SNTG2: variants seen among roughly 807,000 people sequenced by gnomAD.
SNTG2 encodes the protein gamma-2-syntrophin.
SNTG2 carries 74 observed loss-of-function variants against 70.9 expected under a neutral mutation model. The observed-to-expected ratio is 1.04, with a 90% CI of 0.86 to 1.27. The LOEUF is 1.27. Ranked by LOEUF, SNTG2 falls within the 50% of genes most tolerant of loss-of-function variation. SNTG2 has a pLI of 0.00. For missense variants in SNTG2, 717 were observed against 690.7 expected (o/e 1.04, Z -0.43); for synonymous variants, 278 against 273.8 (o/e 1.02, Z -0.15).
At chr2:960,584 C>T (rs187801435) in intron 1 of SNTG2, among the ~76,000 whole-genome samples, 232 of 151,134 alleles carry the variant, frequency 1.5e-3, no homozygotes, top group South Asian at 3.7e-3. Context: ...GAAGGGGGTG[C>T]TCCTACTGCC....
At chr2:1,036,026 A>G (rs1209526690) in intron 1 of SNTG2, among the ~76,000 whole-genome samples, 2 of 152,212 alleles carry the variant, frequency 1.3e-5, no homozygotes, top group Non-Finnish European at 2.9e-5. Context: ...AATGGTAGTG[A>G]TGATAGTGGA....
intron 4 of SNTG2, among the ~76,000 whole-genome samples, chr2:1,100,924 A>C (rs116511117): frequency 7.9e-5 from 12 of 151,658 alleles, no homozygotes; most frequent in Non-Finnish European, 1.5e-4. Flanking sequence ...CACTCCCTGG[A>C]GTGTGAACGT....
chr2:979,316 C>T (rs186399897), intron 1 of SNTG2, among the ~76,000 whole-genome samples: 1 of 152,250 alleles, frequency 6.6e-6, no homozygotes, highest in African/African-American at 2.4e-5. Context: ...CAGTGCTCTG[C>T]CGTGCTGGTG....
chr2:1,244,255 G>A (rs72768891), intron 11 of SNTG2, among the ~76,000 whole-genome samples: 5 of 152,062 alleles, frequency 3.3e-5, no homozygotes, highest in South Asian at 2.1e-4. Context: ...TTCGCCATTC[G>A]CTCGTTTTTT....
chr2:1,081,734 G>C (rs1029179253), intron 1 of SNTG2, among the ~76,000 whole-genome samples: 2 of 152,216 alleles, frequency 1.3e-5, no homozygotes, highest in African/African-American at 4.8e-5. Context: ...GCACCCACCC[G>C]GTCTGGCAAT....
chr2:1,365,240 G>C (rs1264832406), intron 16 of SNTG2, among the ~76,000 whole-genome samples: 1 of 152,176 alleles, frequency 6.6e-6, no homozygotes, highest in Non-Finnish European at 1.5e-5. Context: ...ACCAGAGTGA[G>C]GGATGCTGGT....
chr2:1,313,999 C>G (rs1268904059), intron 15 of SNTG2, among the ~76,000 whole-genome samples: 1 of 152,212 alleles, frequency 6.6e-6, no homozygotes, highest in Non-Finnish European at 1.5e-5. Flanking sequence ...AATCACTTCA[C>G]TGTGAGGACC....
chr2:1,219,380 C>T (rs553687019), intron 9 of SNTG2, among the ~76,000 whole-genome samples: 1 of 152,194 alleles, frequency 6.6e-6, no homozygotes, highest in African/African-American at 2.4e-5. Flanking sequence ...GAGAATGGAC[C>T]AATACAAATT....
chr2:1,077,628 A>C (rs1664008378), intron 1 of SNTG2, among the ~76,000 whole-genome samples: 1 of 152,068 alleles, frequency 6.6e-6, no homozygotes, highest in Non-Finnish European at 1.5e-5. Flanking sequence ...TGAATCCTTC[A>C]CTCAAGAACT....
intron 13 of SNTG2, among the ~76,000 whole-genome samples, chr2:1,263,235 A>G (rs1678541761): frequency 6.6e-6 from 1 of 152,188 alleles, no homozygotes; most frequent in Non-Finnish European, 1.5e-5. Flanking sequence ...AAGACCATTG[A>G]GAAATATTTT....
At chr2:1,303,972 T>A (rs1680569964) in intron 14 of SNTG2, among the ~76,000 whole-genome samples, 1 of 151,946 alleles carries the variant, frequency 6.6e-6, no homozygotes, top group African/African-American at 2.4e-5. Flanking sequence ...TTAAAAACTT[T>A]CAAAATGAAA....
At chr2:1,115,123 C>T (rs529607091) in intron 4 of SNTG2, among the ~76,000 whole-genome samples, 1 of 133,670 alleles carries the variant, frequency 7.5e-6, no homozygotes, top group Non-Finnish European at 1.6e-5. Flanking sequence ...TGTACTAAAT[C>T]AGGTTTAACC....
chr2:1,339,251 T>G (rs1372019435), intron 16 of SNTG2, among the ~76,000 whole-genome samples: 2 of 152,232 alleles, frequency 1.3e-5, no homozygotes, highest in Non-Finnish European at 2.9e-5. Context: ...TCTTGATAAA[T>G]TCTGGACATT....
intron 16 of SNTG2, among the ~76,000 whole-genome samples, chr2:1,334,389 T>A (rs1659691380): frequency 6.6e-6 from 1 of 152,142 alleles, no homozygotes; most frequent in African/African-American, 2.4e-5. Flanking sequence ...GTGTGGAGAT[T>A]CCTTGAAGAA....
At chr2:1,217,697 A>C (rs574684335) in intron 9 of SNTG2, among the ~76,000 whole-genome samples, 19 of 152,264 alleles carry the variant, frequency 1.2e-4, no homozygotes, top group Non-Finnish European at 2.1e-4. Flanking sequence ...GTAGAAATGT[A>C]TGTACATTTC....
At chr2:1,364,849 G>T (rs1231834020) in intron 16 of SNTG2, among the ~76,000 whole-genome samples, 2 of 152,096 alleles carry the variant, frequency 1.3e-5, no homozygotes, top group South Asian at 2.1e-4. Context: ...GGCGGAGCTT[G>T]CAGTGAGTGG....
chr2:1,150,846 G>T (rs1049629729), intron 6 of SNTG2, among the ~76,000 whole-genome samples: 7 of 152,132 alleles, frequency 4.6e-5, no homozygotes, highest in Non-Finnish European at 8.8e-5. Flanking sequence ...GGCAGCTGGG[G>T]TCGGCTCTGT....
chr2:1,080,412 C>G (rs945575088), intron 1 of SNTG2, among the ~76,000 whole-genome samples: 1 of 152,192 alleles, frequency 6.6e-6, no homozygotes, highest in Non-Finnish European at 1.5e-5. Flanking sequence ...TCTGTATCAG[C>G]TAAAACTTTT....
intron 8 of SNTG2, among the ~76,000 whole-genome samples, chr2:1,197,204 A>T (rs1162693217): frequency 1.3e-5 from 2 of 152,082 alleles, no homozygotes; most frequent in Non-Finnish European, 1.5e-5. Flanking sequence ...GAAATGACCC[A>T]ATTATATGCT....
Sources: gnomAD v4.1 joint callset for allele counts (sites outside exome capture counted in the v4.1 genomes callset) on GRCh38, gnomAD v4.1.1 for gene constraint, MANE v1.5 for transcripts, NCBI Gene and HGNC (gene_info 2026-07-23, HGNC 2026-07-21) for gene names.